DCDC1: variants seen among roughly 807,000 people sequenced by gnomAD.
DCDC1 encodes doublecortin domain-containing protein 1.
Under a neutral mutation model 178.3 loss-of-function variants are expected in DCDC1, and 200 were observed. The ratio of observed to expected loss-of-function variants is 1.12; its 90% CI spans 1.00 to 1.26. DCDC1 has a LOEUF of 1.26. Ranked by LOEUF, DCDC1 falls within the 50% of genes most tolerant of loss-of-function variation. The pLI is 0.00. For synonymous variants in DCDC1, 690 were observed against 604.8 expected, an observed-to-expected ratio of 1.14 and a Z score of -2.07; for missense variants, 1,983 against 1,749.2, an observed-to-expected ratio of 1.13 and a Z score of -2.38.
At chr11:31,010,855 C>T (rs1429653930) in intron 20 of DCDC1, among the ~76,000 whole-genome samples, 1 of 152,054 alleles carries the variant, frequency 6.6e-6, no homozygotes, top group Admixed American at 6.5e-5. Context: ...ATTAATTTGA[C>T]CAGAATTTCT....
rs192300495 is a variant in DCDC1 at position 30,909,638 on chromosome 11, A to T, written c.3748-522T>A. Among the ~76,000 whole-genome samples the T allele has an allele frequency of 2.8e-3, 431 of 152,260 alleles. 1 individual carries two copies. The highest frequency in any genetic ancestry group is 0.01 in the African/African-American group (423 of 41,576). ...AATTATTTTACCTTGCACTTGTGCC[A>T]ATAATATACTAAATGACCCATTTTC... is the stretch of plus-strand genomic sequence containing the variant. On this transcript the variant is annotated intron_variant, in intron 28 of 38. Transcript: ENST00000684477.
intron 1 of DCDC1, among the ~76,000 whole-genome samples, chr11:31,353,838 T>A (rs1951192919): frequency 6.6e-6 from 1 of 152,128 alleles, no homozygotes; most frequent in South Asian, 2.1e-4. Context: ...ACAAGAAAAT[T>A]CTTCAATTTA....
intron 20 of DCDC1, among the ~76,000 whole-genome samples, chr11:30,961,776 T>C (rs1472610685): frequency 6.6e-6 from 1 of 151,968 alleles, no homozygotes; most frequent in Non-Finnish European, 1.5e-5. Flanking sequence ...AAAATAAATA[T>C]ATAGATTGTA....
chr11:31,294,853 A>C (rs1207360125), intron 6 of DCDC1, among the ~76,000 whole-genome samples: 1 of 141,394 alleles, frequency 7.1e-6, no homozygotes, highest in Non-Finnish European at 1.6e-5. Flanking sequence ...AAAGAAAGAA[A>C]GAAAGAAAGA....
chr11:30,915,636 G>A lies in DCDC1; in HGVS notation c.3528C>T (p.Ser1176=), dbSNP rs763442349. The A allele has an allele frequency of 3.7e-6, 6 of 1,613,836 alleles. No individual in the cohort carries two copies. In the Admixed American group the frequency reaches 6.7e-5, roughly 18 times the overall value. The change falls in exon 27 of 39, where the codon AGC becomes AGT. Residue 1176 remains serine (S), a synonymous_variant. Coordinates refer to ENST00000684477, the MANE Select transcript of DCDC1 (RefSeq NM_001387274.1). ...CCAAGACTAGCTGAGGAGCAGCATG[G>A]CTTATAATCTGCCCATCTCTGTATT... ...QFEYRDGQII[S]HAAPQLVLGV...
chr11:30,910,316 G>A (rs1395884963), intron 28 of DCDC1, among the ~76,000 whole-genome samples: 5 of 152,154 alleles, frequency 3.3e-5, no homozygotes, highest in Non-Finnish European at 2.9e-5. Context: ...AACTGTATGT[G>A]TATGAGGTTG....
chr11:31,324,735 G>A (rs1949557300), intron 3 of DCDC1, among the ~76,000 whole-genome samples: 2 of 152,008 alleles, frequency 1.3e-5, no homozygotes, highest in Non-Finnish European at 2.9e-5. Context: ...AAAAGGCAAT[G>A]TTTATATTTC....
At chr11:31,305,503 C>A in intron 6 of DCDC1, 112 bp downstream of exon 6, 1 of 1,371,818 alleles carries the variant, frequency 7.3e-7, no homozygotes, top group Non-Finnish European at 9.9e-7. Flanking sequence ...AATGCGTAAA[C>A]ATTAGTTTTG....
At chr11:31,056,531 A>G (rs1955594349) in intron 20 of DCDC1, among the ~76,000 whole-genome samples, 1 of 152,174 alleles carries the variant, frequency 6.6e-6, no homozygotes, top group Non-Finnish European at 1.5e-5. Context: ...AGCTGGGACC[A>G]CTATATTTAA....
intron 9 of DCDC1, among the ~76,000 whole-genome samples, chr11:31,194,491 T>G (rs1970456187): frequency 6.6e-6 from 1 of 152,142 alleles, no homozygotes; most frequent in African/African-American, 2.4e-5. Context: ...TCATGTATTT[T>G]CCTTTATACA....
intron 9 of DCDC1, chr11:31,215,333 C>G (rs7104048): frequency 0.26 from 40,532 of 153,886 alleles, 5,502 homozygotes; most frequent in African/African-American, 0.32. Context: ...CTGTTGAAAA[C>G]TAATATAATG....
chr11:31,199,411 T>C (rs962272467), intron 9 of DCDC1, among the ~76,000 whole-genome samples: 3 of 152,088 alleles, frequency 2.0e-5, no homozygotes, highest in Non-Finnish European at 4.4e-5. Flanking sequence ...CCAAAAATAA[T>C]GAGTCCAAAA....
rs1280859639 is a variant in DCDC1 at position 31,305,772 on chromosome 11, C to T, written c.597G>A (p.Leu199=). The stretch of plus-strand genomic sequence containing the variant: ...GATTCAGCTTTTCTGTGCACTCCTC[C>T]AGCAGCTAGAAGAAAGCAAGAGGTA... ...RVTVPTITLL[L]EECTEKLNLN... The change falls in exon 6 of 39, where the codon CTG becomes CTA. Residue 199 remains leucine, a synonymous_variant. Coordinates refer to ENST00000684477, the MANE Select transcript of DCDC1 (RefSeq NM_001387274.1). 2.5e-6 allele frequency: 4 copies of T among 1,612,842 alleles called. No homozygotes were observed. Among genetic ancestry groups the T allele is most frequent in the Non-Finnish European group, 3.4e-6 (4 of 1,179,452 alleles).
intron 1 of DCDC1, among the ~76,000 whole-genome samples, chr11:31,349,231 T>C (rs769536554): frequency 1.3e-5 from 2 of 152,214 alleles, no homozygotes; most frequent in Non-Finnish European, 2.9e-5. Context: ...AACCAGTTCT[T>C]GCATATTCTT....
chr11:31,238,938 A>T (rs1976777677), intron 9 of DCDC1, among the ~76,000 whole-genome samples: 1 of 152,104 alleles, frequency 6.6e-6, no homozygotes, highest in South Asian at 2.1e-4. Context: ...AAATTGAAAA[A>T]TGAGTAAGTT....
chr11:31,300,935 T>C (rs1440488881), intron 6 of DCDC1, among the ~76,000 whole-genome samples: 1 of 152,152 alleles, frequency 6.6e-6, no homozygotes, highest in African/African-American at 2.4e-5. Context: ...TATTTGACAA[T>C]ACAAAGAGAT....
At chr11:31,274,618 T>C (rs1007262875) in intron 7 of DCDC1, among the ~76,000 whole-genome samples, 1 of 148,412 alleles carries the variant, frequency 6.7e-6, no homozygotes, top group Non-Finnish European at 1.5e-5. Context: ...AAGGGGAGAG[T>C]AGCCTCATAG....
chr11:30,865,909 TG>T (rs1201830793), intron 38 of DCDC1, among the ~76,000 whole-genome samples: 1 of 152,180 alleles, frequency 6.6e-6, no homozygotes, highest in Non-Finnish European at 1.5e-5. Context: ...GGGTGAGGTT[TG>T]GGGATTTTTG....
chr11:30,952,433 A>T lies in DCDC1; in HGVS notation c.2715+12T>A. The T allele has an allele frequency of 1.3e-6, 2 of 1,546,818 alleles. No individual in the cohort carries two copies. The highest frequency in any genetic ancestry group is 1.7e-6 in the Non-Finnish European group (2 of 1,146,506). On this transcript the variant is annotated intron_variant, in intron 21 of 38. Transcript: ENST00000684477. ...AGTCTCAATGACCATCTCTTAAGCT[A>T]AGCAACACAACCTCATTAAGTTGGC...
Sources: allele counts gnomAD v4.1 joint callset (sites outside exome capture counted in the v4.1 genomes callset), GRCh38; gene constraint gnomAD v4.1.1; transcripts MANE v1.5; gene names NCBI Gene and HGNC (gene_info 2026-07-23, HGNC 2026-07-21).